The following LSAMP variants were observed in gnomAD, a reference collection of about 807,000 sequenced individuals.
LSAMP encodes the protein limbic system-associated membrane protein.
LSAMP carries 7 observed loss-of-function variants against 38.6 expected under a neutral mutation model. That is an observed-to-expected ratio of 0.18 (90% CI 0.10 to 0.34). The LOEUF (loss-of-function observed/expected upper bound fraction) is 0.34, where lower values mean the gene tolerates loss of function less well. Among genes scored for constraint, LSAMP ranks in the 10% least tolerant of loss-of-function variants. The pLI is 1.00. For synonymous variants in LSAMP, 154 were observed against 166.8 expected, an observed-to-expected ratio of 0.92 and a Z score of 0.59; for missense variants, 313 against 420.0, an observed-to-expected ratio of 0.75 and a Z score of 2.23.
chr3:116,335,707 G>A (rs979262197), intron 1 of LSAMP, among the ~76,000 whole-genome samples: 1 of 151,982 alleles, frequency 6.6e-6, no homozygotes, highest in South Asian at 2.1e-4. Context: ...AAACATCAAA[G>A]CTTAGCCTAA....
chr3:116,317,746 A>G (rs1261749335), intron 1 of LSAMP, among the ~76,000 whole-genome samples: 1 of 152,160 alleles, frequency 6.6e-6, no homozygotes, highest in Non-Finnish European at 1.5e-5. Flanking sequence ...ATTAGTAGCA[A>G]GAAAAGAGGT....
chr3:116,167,413 A>G (rs1710086681), intron 1 of LSAMP, among the ~76,000 whole-genome samples: 1 of 152,220 alleles, frequency 6.6e-6, no homozygotes, highest in Non-Finnish European at 1.5e-5. Context: ...CACTCATCCA[A>G]AAGGATAGAG....
At chr3:116,010,193 G>A (rs2864064) in intron 3 of LSAMP, among the ~76,000 whole-genome samples, 3 of 152,032 alleles carry the variant, frequency 2.0e-5, no homozygotes, top group East Asian at 3.9e-4. Context: ...CTGGGATTAC[G>A]GGCATGAGCC....
At chr3:115,980,102 C>A (rs115513499) in intron 3 of LSAMP, among the ~76,000 whole-genome samples, 1 of 151,936 alleles carries the variant, frequency 6.6e-6, no homozygotes, top group African/African-American at 2.4e-5. Flanking sequence ...ACTTAAGATA[C>A]CCCATTGCAT....
At chr3:116,060,175 G>T (rs1031828735) in intron 2 of LSAMP, among the ~76,000 whole-genome samples, 1 of 144,554 alleles carries the variant, frequency 6.9e-6, no homozygotes, top group African/African-American at 2.7e-5. Context: ...CCCCTCTCTT[G>T]CCTAAGTCTT....
At chr3:116,070,622 C>T (rs1350615024) in intron 2 of LSAMP, among the ~76,000 whole-genome samples, 1 of 152,162 alleles carries the variant, frequency 6.6e-6, no homozygotes, top group Admixed American at 6.5e-5. Flanking sequence ...GTTTATTCTG[C>T]AATTTTACTT....
At chr3:116,165,200 CT>C (rs1710020659) in intron 1 of LSAMP, among the ~76,000 whole-genome samples, 1 of 152,198 alleles carries the variant, frequency 6.6e-6, no homozygotes. Flanking sequence ...AGGAGTTGAT[CT>C]CAGATGTCTG....
chr3:116,002,969 C>A (rs1940045324), intron 3 of LSAMP, among the ~76,000 whole-genome samples: 1 of 152,086 alleles, frequency 6.6e-6, no homozygotes, highest in South Asian at 2.1e-4. Context: ...AGGAAAGATG[C>A]AAACATGTTA....
chr3:116,264,252 A>G (rs913518885), intron 1 of LSAMP, among the ~76,000 whole-genome samples: 3 of 152,204 alleles, frequency 2.0e-5, no homozygotes, highest in African/African-American at 7.2e-5. Context: ...ATAAAGAGAT[A>G]AAAAAGCTCT....
chr3:116,381,679 T>G (rs1228789606), intron 1 of LSAMP, among the ~76,000 whole-genome samples: 1 of 152,136 alleles, frequency 6.6e-6, no homozygotes, highest in African/African-American at 2.4e-5. Context: ...AGAAATCTGC[T>G]ACTTAGGGTT....
intron 1 of LSAMP, among the ~76,000 whole-genome samples, chr3:116,433,336 A>C (rs1310288408): frequency 6.6e-6 from 1 of 152,234 alleles, no homozygotes; most frequent in East Asian, 1.9e-4. Flanking sequence ...TAGAGATTCA[A>C]TATAGAGATG....
At chr3:116,154,247 G>A (rs986451316) in intron 1 of LSAMP, among the ~76,000 whole-genome samples, 1 of 152,092 alleles carries the variant, frequency 6.6e-6, no homozygotes, top group Non-Finnish European at 1.5e-5. Context: ...CTGTCTTGAG[G>A]AGCTGCAAGA....
chr3:116,004,282 A>G (rs1940087157), intron 3 of LSAMP, among the ~76,000 whole-genome samples: 1 of 152,050 alleles, frequency 6.6e-6, no homozygotes, highest in Admixed American at 6.6e-5. Flanking sequence ...GGCCAAGGCT[A>G]AAGAGTATTT....
chr3:116,017,053 T>C (rs1940504732), intron 3 of LSAMP, among the ~76,000 whole-genome samples: 1 of 152,116 alleles, frequency 6.6e-6, no homozygotes, highest in Non-Finnish European at 1.5e-5. Context: ...TTTTGTTGAC[T>C]TGAAACATCA....
chr3:116,273,244 CG>C (rs1559808111), intron 1 of LSAMP, among the ~76,000 whole-genome samples: 2 of 152,048 alleles, frequency 1.3e-5, no homozygotes, highest in Non-Finnish European at 2.9e-5. Context: ...AGAACCCCCA[CG>C]GTTTCCCATT....
At chr3:116,232,134 C>A (rs1262332015) in intron 1 of LSAMP, among the ~76,000 whole-genome samples, 2 of 152,134 alleles carry the variant, frequency 1.3e-5, no homozygotes, top group Non-Finnish European at 2.9e-5. Context: ...GAGAAATACA[C>A]ATTAAATCAA....
chr3:116,043,100 GTAT>G (rs1440489834), intron 2 of LSAMP, among the ~76,000 whole-genome samples: 1 of 152,134 alleles, frequency 6.6e-6, no homozygotes, highest in Non-Finnish European at 1.5e-5. Flanking sequence ...GAAACGAGTA[GTAT>G]TCACTCATTT....
At chr3:115,986,519 A>C (rs927066474) in intron 3 of LSAMP, among the ~76,000 whole-genome samples, 4 of 152,300 alleles carry the variant, frequency 2.6e-5, no homozygotes, top group Middle Eastern at 3.4e-3. Flanking sequence ...AAATTGGCTG[A>C]AGAATTTGCT....
rs1395601077 is a variant in LSAMP, at chr3:115,805,915, G to A, written c.*4402C>T. 3 of 152,152 alleles carry A rather than the reference G, an allele frequency of 2.0e-5. No homozygotes were observed. The highest frequency in any genetic ancestry group is 1.9e-4 in the East Asian group (1 of 5,200). 9.4% of individuals were successfully genotyped at this position (152,152 alleles called of 1,614,324 possible). On this transcript the variant is annotated 3_prime_UTR_variant, in exon 7 of 7. Transcript: ENST00000490035. ...ATTCTAAACATTTAAGCAAGGAGGA[G>A]GCTTCCTAAACTGCATTTTTGTTTC...
Sources: gnomAD v4.1 joint callset for allele counts (sites outside exome capture counted in the v4.1 genomes callset) on GRCh38, gnomAD v4.1.1 for gene constraint, MANE v1.5 for transcripts, NCBI Gene and HGNC (gene_info 2026-07-23, HGNC 2026-07-21) for gene names.